Variants in CCSER1 observed in about 807,000 individuals in gnomAD.
CCSER1 encodes the protein coiled-coil serine rich protein 1.
Under a neutral mutation model 82.0 loss-of-function variants are expected in CCSER1, and 41 were observed. The ratio of observed to expected loss-of-function variants is 0.50; its 90% CI spans 0.39 to 0.65. CCSER1 has a LOEUF of 0.65. CCSER1 is among the 30% of genes least tolerant of loss of function. The pLI is 0.00. For synonymous variants in CCSER1, 414 were observed against 383.9 expected, an observed-to-expected ratio of 1.08 and a Z score of -0.92; for missense variants, 1,119 against 1,064.2, an observed-to-expected ratio of 1.05 and a Z score of -0.72.
chr4:90,308,757 A>C lies in CCSER1; in HGVS notation c.473A>C (p.Glu158Ala). Reference protein sequence around the residue: ...FINCLSSGKSEGDDSGFTEDQ... With the variant: ...FINCLSSGKSAGDDSGFTEDQ... ...AATTGTCTAAGTTCTGGCAAAAGTG[A>C]AGGGGATGATTCTGGTTTCACAGAA... The change falls in exon 2 of 11, where the codon GAA (glutamate) becomes GCA (alanine). Residue 158 changes from glutamate to alanine, a missense_variant. By Grantham distance (107) the Glu-to-Ala change is moderately radical. Transcript: ENST00000509176. 3 of 1,613,802 alleles carry C rather than the reference A, an allele frequency of 1.9e-6. No homozygotes were observed. Among genetic ancestry groups the C allele is most frequent in the Non-Finnish European group, 2.5e-6 (3 of 1,179,832 alleles).
intron 9 of CCSER1, among the ~76,000 whole-genome samples, chr4:91,043,334 C>T (rs1016066867): frequency 6.6e-6 from 1 of 151,876 alleles, no homozygotes; most frequent in South Asian, 2.1e-4. Flanking sequence ...AAAAACTCTC[C>T]TCCTAGAAAG....
chr4:91,546,738 G>A (rs1761910239), intron 10 of CCSER1, among the ~76,000 whole-genome samples: 1 of 151,628 alleles, frequency 6.6e-6, no homozygotes, highest in South Asian at 2.1e-4. Context: ...ATTGATTTGG[G>A]CTCTAATTTT....
intron 9 of CCSER1, among the ~76,000 whole-genome samples, chr4:91,071,988 T>C (rs1168208004): frequency 6.6e-6 from 1 of 152,184 alleles, no homozygotes; most frequent in Non-Finnish European, 1.5e-5. Context: ...TATTGGTGAT[T>C]AGTCTCATAT....
At chr4:91,598,392 C>T (rs899478531) in intron 10 of CCSER1, among the ~76,000 whole-genome samples, 180 bp from the exon 11 acceptor site, 1 of 152,054 alleles carries the variant, frequency 6.6e-6, no homozygotes, top group Non-Finnish European at 1.5e-5. Context: ...CATTTAATCA[C>T]TATCTGTAAT....
At chr4:91,140,676 G>T (rs752137149) in intron 10 of CCSER1, among the ~76,000 whole-genome samples, 2 of 152,110 alleles carry the variant, frequency 1.3e-5, no homozygotes, top group Non-Finnish European at 2.9e-5. Context: ...ATAAAAATTA[G>T]TAGTTGGAAA....
chr4:90,381,425 A>G lies in CCSER1; in HGVS notation c.1510-18611A>G, dbSNP rs536456923. ...TGGTGAAAACAACAGCTTTGTAAAA[A>G]TATAAAGGCTGATTACAAAAGGCTG... On this transcript the variant is annotated intron_variant, in intron 3 of 10. Coordinates refer to ENST00000509176, the MANE Select transcript of CCSER1 (RefSeq NM_001145065.2). Among the ~76,000 whole-genome samples the G allele has an allele frequency of 1.7e-3, 254 of 152,314 alleles. 1 individual carries two copies. Among genetic ancestry groups the G allele is most frequent in the Middle Eastern group, 6.8e-3 (2 of 294 alleles).
intron 9 of CCSER1, among the ~76,000 whole-genome samples, chr4:91,008,013 T>A (rs930960483): frequency 6.6e-6 from 1 of 152,040 alleles, no homozygotes; most frequent in African/African-American, 2.4e-5. Context: ...CCGCCAAGAG[T>A]GTGATGTTTA....
intron 1 of CCSER1, among the ~76,000 whole-genome samples, chr4:90,191,452 A>C (rs1401828472): frequency 6.6e-6 from 1 of 152,052 alleles, no homozygotes; most frequent in East Asian, 1.9e-4. Context: ...TGCATAAGAC[A>C]GAAGTCAAGT....
intron 8 of CCSER1, among the ~76,000 whole-genome samples, chr4:90,921,845 T>C (rs889797501): frequency 6.6e-6 from 1 of 152,084 alleles, no homozygotes; most frequent in African/African-American, 2.4e-5. Context: ...AAGTAGATAA[T>C]CAAACTTTTG....
intron 6 of CCSER1, among the ~76,000 whole-genome samples, chr4:90,707,470 C>G (rs1739589409): frequency 6.6e-6 from 1 of 151,472 alleles, no homozygotes; most frequent in Non-Finnish European, 1.5e-5. Flanking sequence ...ATCATTCTGC[C>G]TTCTCTTTTC....
chr4:91,094,967 T>G (rs959368809), intron 10 of CCSER1, among the ~76,000 whole-genome samples: 7 of 152,164 alleles, frequency 4.6e-5, no homozygotes, highest in African/African-American at 1.7e-4. Flanking sequence ...TGAGTCACTT[T>G]ATGTCCTCCC....
chr4:90,974,419 A>G (rs1735414194), intron 9 of CCSER1, among the ~76,000 whole-genome samples: 1 of 151,170 alleles, frequency 6.6e-6, no homozygotes, highest in Non-Finnish European at 1.5e-5. Flanking sequence ...TATTTTTTCA[A>G]TTACAACTCA....
intron 8 of CCSER1, among the ~76,000 whole-genome samples, chr4:90,915,245 A>G (rs1727152907): frequency 6.6e-6 from 1 of 152,194 alleles, no homozygotes; most frequent in Non-Finnish European, 1.5e-5. Flanking sequence ...TCCATGATGA[A>G]CATTGATGCA....
chr4:90,625,037 A>G (rs943685386), intron 5 of CCSER1, among the ~76,000 whole-genome samples: 1 of 152,188 alleles, frequency 6.6e-6, no homozygotes, highest in African/African-American at 2.4e-5. Context: ...ATCTTTGGTG[A>G]TATAAAGCAC....
intron 10 of CCSER1, among the ~76,000 whole-genome samples, chr4:91,332,145 T>A (rs575265486): frequency 6.6e-6 from 1 of 152,192 alleles, no homozygotes; most frequent in African/African-American, 2.4e-5. Context: ...AAAACTAATT[T>A]CAAATTATAA....
chr4:91,420,549 G>A (rs959019568), intron 10 of CCSER1, among the ~76,000 whole-genome samples: 2 of 151,994 alleles, frequency 1.3e-5, no homozygotes, highest in African/African-American at 2.4e-5. Flanking sequence ...AACAATTGTT[G>A]GCAAGTCTCT....
intron 9 of CCSER1, among the ~76,000 whole-genome samples, chr4:90,946,109 T>A (rs949093284): frequency 6.6e-6 from 1 of 152,196 alleles, no homozygotes; most frequent in Admixed American, 6.5e-5. Flanking sequence ...CTTTGATTTT[T>A]ATAATTACAA....
intron 3 of CCSER1, among the ~76,000 whole-genome samples, chr4:90,366,463 A>T (rs1217123407): frequency 6.6e-6 from 1 of 151,856 alleles, no homozygotes; most frequent in Non-Finnish European, 1.5e-5. Context: ...TAAGCCAGTT[A>T]ATATATCCAT....
At chr4:90,722,538 G>A (rs1202723859) in intron 6 of CCSER1, among the ~76,000 whole-genome samples, 4 of 151,682 alleles carry the variant, frequency 2.6e-5, no homozygotes, top group South Asian at 2.1e-4. Context: ...ATAGAACTCC[G>A]GATAAATTTT....
Sources: gnomAD v4.1 joint callset for allele counts (sites outside exome capture counted in the v4.1 genomes callset) on GRCh38, gnomAD v4.1.1 for gene constraint, MANE v1.5 for transcripts, NCBI Gene and HGNC (gene_info 2026-07-23, HGNC 2026-07-21) for gene names.